Variants in STAC observed in about 807,000 individuals in gnomAD.
STAC encodes the protein SH3 and cysteine-rich domain-containing protein.
A neutral mutation model predicts 48.8 loss-of-function variants in STAC; 43 were observed. That is an observed-to-expected ratio of 0.88 (90% confidence interval 0.69 to 1.14). STAC has a LOEUF of 1.14. STAC is among the 50% of genes most tolerant of loss of function. The probability of loss-of-function intolerance (pLI) is 0.00; values close to 1 mark genes in which losing one functional copy is unlikely to be tolerated. For missense variants in STAC, 497 were observed against 504.0 expected (o/e 0.99, Z 0.13); for synonymous variants, 193 against 179.5 (o/e 1.07, Z -0.60).
intron 2 of STAC, among the ~76,000 whole-genome samples, chr3:36,445,835 G>T (rs1209161840): frequency 2.0e-5 from 3 of 152,168 alleles, no homozygotes; most frequent in African/African-American, 7.2e-5. Flanking sequence ...TAGCCAAGAA[G>T]AATCAAACCT....
intron 1 of STAC, among the ~76,000 whole-genome samples, chr3:36,383,938 C>T (rs181782946): frequency 1.5e-3 from 222 of 152,300 alleles, no homozygotes; most frequent in Admixed American, 2.6e-3. Context: ...AGTACAGTTT[C>T]CTCAGAGCAA....
chr3:36,494,180 A>C lies in STAC; in HGVS notation c.766+951A>C, dbSNP rs1300929999. Among the ~76,000 whole-genome samples the C allele has an allele frequency of 5.3e-5, 8 of 149,618 alleles. No homozygotes were observed. The East Asian group carries it at 1.6e-3, about 29-fold the overall frequency. On this transcript the variant is annotated intron_variant, in intron 6 of 10. Transcript: ENST00000273183. ...AAAAAAAAAAAAAAAAAAAAGAAAG[A>C]GCCACCTCGTAATCCAGAGCTTAAA... is the stretch of plus-strand genomic sequence containing the variant.
intron 1 of STAC, among the ~76,000 whole-genome samples, chr3:36,424,071 T>C (rs1432047030): frequency 6.6e-6 from 1 of 152,196 alleles, no homozygotes; most frequent in Non-Finnish European, 1.5e-5. Context: ...TGCTTCTCCT[T>C]GTCCCCAGCA....
chr3:36,386,809 G>A (rs776265300), intron 1 of STAC, among the ~76,000 whole-genome samples: 18 of 152,206 alleles, frequency 1.2e-4, no homozygotes, highest in South Asian at 2.1e-4. Context: ...ATCTGGTAGC[G>A]TAAGCCCTGG....
intron 2 of STAC, among the ~76,000 whole-genome samples, chr3:36,474,809 G>A (rs193261554): frequency 3.5e-4 from 53 of 152,212 alleles, no homozygotes; most frequent in African/African-American, 1.2e-3. Context: ...AACTATAAAA[G>A]GTAATGTTCT....
chr3:36,406,991 T>C (rs1559479962), intron 1 of STAC, among the ~76,000 whole-genome samples: 1 of 152,208 alleles, frequency 6.6e-6, no homozygotes, highest in Non-Finnish European at 1.5e-5. Flanking sequence ...CTTGGGCAAA[T>C]GGATTAACCG....
At chr3:36,521,564 G>A (rs935610745) in intron 8 of STAC, among the ~76,000 whole-genome samples, 2 of 152,162 alleles carry the variant, frequency 1.3e-5, no homozygotes, top group Non-Finnish European at 2.9e-5. Flanking sequence ...AAGAGGGACA[G>A]TATGAAGAGA....
rs555815132 is a variant in STAC, at chr3:36,493,796, A to T, written c.766+567A>T. ...ATCTAATAATTTAAGCCTTTGTTAT[A>T]ATAATTTCTAAAGTATTTATTAAAT... On this transcript the variant is annotated intron_variant, in intron 6 of 10. Coordinates refer to ENST00000273183, the MANE Select transcript of STAC (RefSeq NM_003149.3). Among the ~76,000 whole-genome samples the T allele has an allele frequency of 2.0e-4, 31 of 152,276 alleles. 1 individual carries two copies. In the East Asian group the frequency reaches 5.4e-3, roughly 27 times the overall value.
intron 8 of STAC, among the ~76,000 whole-genome samples, chr3:36,512,431 T>A (rs1056210469): frequency 5.9e-5 from 9 of 152,182 alleles, no homozygotes; most frequent in African/African-American, 1.7e-4. Context: ...ATTGGGTCCT[T>A]TTGAGATTGT....
chr3:36,435,869 C>T (rs1027996979), intron 1 of STAC, among the ~76,000 whole-genome samples: 7 of 152,220 alleles, frequency 4.6e-5, no homozygotes, highest in Non-Finnish European at 1.0e-4. Context: ...ACACTCCTCT[C>T]TTTGAGTCTT....
rs749923629 is a variant in STAC, at chr3:36,546,216, AAGATGGTTTTATCAG to A, written c.1139_1153del (p.Asp380_Arg384del). On this transcript the variant is annotated inframe_deletion, in exon 11 of 11. Coordinates refer to ENST00000273183, the MANE Select transcript of STAC (RefSeq NM_003149.3). ...ATCTGCGTGAGTTCTGAAGAAGAAC[AAGATGGTTTTATCAG>A]AGTCCTCAGTGGAAAAAAGAAAGGC... 2 of 1,613,972 alleles carry A rather than the reference AAGATGGTTTTATCAG, an allele frequency of 1.2e-6. No homozygotes were observed. Among genetic ancestry groups the A allele is most frequent in the Non-Finnish European group, 1.7e-6 (2 of 1,179,958 alleles).
At position 36,398,463 on chromosome 3, in the gene STAC, GGAAGGAAGGAA is replaced by G. The variant is rs1458868082; in HGVS notation, c.111+17711_111+17721del. Among the ~76,000 whole-genome samples the G allele has an allele frequency of 4.5e-5, 5 of 110,058 alleles. No homozygotes were observed. The East Asian group carries it at 1.0e-3, about 22-fold the overall frequency. The allele number at this position is 110,058 out of a possible 152,430, so 72.2% of individuals were successfully genotyped here. A position where few individuals can be genotyped will look rare whatever the true frequency, so the allele number is the denominator to read the frequency against. On this transcript the variant is annotated intron_variant, in intron 1 of 10. Transcript: ENST00000273183. ...AGGAAGGAAGGAAGGAAGGAAGGAA[GGAAGGAAGGAA>G]GGAGGGAAGGAAGAAAGGAAGGAGG...
intron 8 of STAC, among the ~76,000 whole-genome samples, chr3:36,524,196 TCAAGGAG>T: frequency 6.6e-6 from 1 of 152,230 alleles, no homozygotes; most frequent in South Asian, 2.1e-4. Flanking sequence ...AGAGCCCCCA[TCAAGGAG>T]TTGTTGGGGT....
At chr3:36,466,815 T>C (rs1436817787) in intron 2 of STAC, among the ~76,000 whole-genome samples, 4 of 152,154 alleles carry the variant, frequency 2.6e-5, no homozygotes, top group African/African-American at 9.7e-5. Flanking sequence ...GACTTCCTTT[T>C]TACTGATTTG....
intron 5 of STAC, among the ~76,000 whole-genome samples, chr3:36,488,332 G>A (rs1364726989): frequency 2.0e-5 from 3 of 152,200 alleles, no homozygotes; most frequent in African/African-American, 7.2e-5. Context: ...AGGCAAATAT[G>A]TTACCTGAGA....
chr3:36,461,215 T>C (rs984376150), intron 2 of STAC, among the ~76,000 whole-genome samples: 1 of 152,236 alleles, frequency 6.6e-6, no homozygotes, highest in Non-Finnish European at 1.5e-5. Context: ...ATATTTCAAC[T>C]CGAATTCTGG....
At chr3:36,448,904 C>G (rs543738281) in intron 2 of STAC, among the ~76,000 whole-genome samples, 1 of 12,498 alleles carries the variant, frequency 8.0e-5, no homozygotes, top group Non-Finnish European at 1.6e-4. Context: ...ACAGTGAACC[C>G]CCCCCCCCAC....
At chr3:36,410,923 T>C (rs1303273432) in intron 1 of STAC, among the ~76,000 whole-genome samples, 4 of 152,150 alleles carry the variant, frequency 2.6e-5, no homozygotes, top group East Asian at 1.9e-4. Flanking sequence ...GGATTTGAAC[T>C]CTCTTTATAC....
chr3:36,453,378 G>C (rs912747442), intron 2 of STAC, among the ~76,000 whole-genome samples: 16 of 152,208 alleles, frequency 1.1e-4, no homozygotes, highest in Admixed American at 3.9e-4. Context: ...GGCTGCGCGC[G>C]GTGCTTGCGG....
Sources: allele counts gnomAD v4.1 joint callset (sites outside exome capture counted in the v4.1 genomes callset), GRCh38; gene constraint gnomAD v4.1.1; transcripts MANE v1.5; gene names NCBI Gene and HGNC (gene_info 2026-07-23, HGNC 2026-07-21).